The following FBXL7 variants were observed in gnomAD, a reference collection of about 807,000 sequenced individuals.
FBXL7 encodes the protein F-box and leucine rich repeat protein 7, also known as F-box/LRR-repeat protein 7.
A neutral mutation model predicts 38.3 loss-of-function variants in FBXL7; 12 were observed. That is an observed-to-expected ratio of 0.31 (90% CI 0.20 to 0.51). FBXL7 has a LOEUF of 0.51. Among genes scored for constraint, FBXL7 ranks in the 20% least tolerant of loss-of-function variants. The pLI, the probability that FBXL7 is intolerant of heterozygous loss-of-function variation, is 0.98. For synonymous variants in FBXL7, 297 were observed against 300.9 expected (o/e 0.99, Z 0.13); for missense variants, 567 against 676.4 (o/e 0.84, Z 1.79).
At chr5:15,802,262 T>C (rs1192860876) in intron 2 of FBXL7, among the ~76,000 whole-genome samples, 2 of 152,180 alleles carry the variant, frequency 1.3e-5, no homozygotes, top group Admixed American at 6.5e-5. Flanking sequence ...CAGTAGCCAG[T>C]GTGACCTTTG....
intron 2 of FBXL7, among the ~76,000 whole-genome samples, chr5:15,802,219 T>A (rs1205445506): frequency 2.6e-5 from 4 of 152,094 alleles, no homozygotes; most frequent in African/African-American, 9.7e-5. Flanking sequence ...TCTTCCTCCC[T>A]CTATTTCTCC....
intron 2 of FBXL7, among the ~76,000 whole-genome samples, chr5:15,659,766 A>G (rs1476606372): frequency 6.6e-6 from 1 of 152,206 alleles, no homozygotes; most frequent in Non-Finnish European, 1.5e-5. Context: ...TTTTCTAGAT[A>G]TATTATTAAA....
At chr5:15,746,652 G>T (rs980245160) in intron 2 of FBXL7, among the ~76,000 whole-genome samples, 5 of 151,990 alleles carry the variant, frequency 3.3e-5, no homozygotes, top group African/African-American at 1.2e-4. Context: ...TTGGAGATCA[G>T]GTCTCAACGT....
At chr5:15,659,271 A>G (rs1054045208) in intron 2 of FBXL7, among the ~76,000 whole-genome samples, 1 of 152,184 alleles carries the variant, frequency 6.6e-6, no homozygotes, top group Non-Finnish European at 1.5e-5. Flanking sequence ...TAAACAGGCA[A>G]TGCAGTGAAG....
intron 1 of FBXL7, among the ~76,000 whole-genome samples, chr5:15,527,925 T>C (rs114687789): frequency 0.016 from 2,375 of 152,328 alleles, 57 homozygotes; most frequent in African/African-American, 0.055. Flanking sequence ...GTGGAATGTT[T>C]TTTAATTCTT....
At chr5:15,793,611 G>A (rs999886843) in intron 2 of FBXL7, among the ~76,000 whole-genome samples, 1 of 152,214 alleles carries the variant, frequency 6.6e-6, no homozygotes, top group Non-Finnish European at 1.5e-5. Context: ...GCAACCCACT[G>A]TGGGTAGGAA....
At chr5:15,836,034 A>C (rs1456062690) in intron 2 of FBXL7, among the ~76,000 whole-genome samples, 1 of 152,138 alleles carries the variant, frequency 6.6e-6, no homozygotes, top group Non-Finnish European at 1.5e-5. Flanking sequence ...CCTTCCCAAT[A>C]ACATTTATTT....
At chr5:15,808,451 T>C (rs1195628278) in intron 2 of FBXL7, among the ~76,000 whole-genome samples, 1 of 152,092 alleles carries the variant, frequency 6.6e-6, no homozygotes, top group African/African-American at 2.4e-5. Flanking sequence ...TTCCACACAC[T>C]CAGCCTGGAC....
At chr5:15,760,805 T>G (rs1421779875) in intron 2 of FBXL7, among the ~76,000 whole-genome samples, 2 of 152,122 alleles carry the variant, frequency 1.3e-5, no homozygotes, top group African/African-American at 4.8e-5. Flanking sequence ...GAGGACAAAC[T>G]TAACTCTTAA....
chr5:15,755,406 G>A (rs78504956), intron 2 of FBXL7, among the ~76,000 whole-genome samples: 20 of 152,174 alleles, frequency 1.3e-4, no homozygotes, highest in African/African-American at 4.6e-4. Context: ...GTGTGTGTGC[G>A]TGTGTGTATA....
At chr5:15,747,343 T>C (rs1334186061) in intron 2 of FBXL7, among the ~76,000 whole-genome samples, 1 of 152,182 alleles carries the variant, frequency 6.6e-6, no homozygotes, top group East Asian at 1.9e-4. Flanking sequence ...GCATGGCCTA[T>C]TCTAAGATCA....
chr5:15,746,842 T>A (rs1463810096), intron 2 of FBXL7, among the ~76,000 whole-genome samples: 1 of 152,108 alleles, frequency 6.6e-6, no homozygotes, highest in South Asian at 2.1e-4. Context: ...GAAAACAAAA[T>A]TTAAGGAAAA....
At chr5:15,755,990 G>A (rs373035267) in intron 2 of FBXL7, among the ~76,000 whole-genome samples, 152 of 152,252 alleles carry the variant, frequency 1.0e-3, no homozygotes, top group African/African-American at 3.4e-3. Flanking sequence ...CTACTGGCTG[G>A]TTGCATTAAA....
chr5:15,793,611 G>C, intron 2 of FBXL7, among the ~76,000 whole-genome samples: 1 of 152,214 alleles, frequency 6.6e-6, no homozygotes, highest in Non-Finnish European at 1.5e-5. Flanking sequence ...GCAACCCACT[G>C]TGGGTAGGAA....
intron 2 of FBXL7, among the ~76,000 whole-genome samples, chr5:15,824,274 C>T (rs1738248039): frequency 7.3e-6 from 1 of 137,106 alleles, no homozygotes; most frequent in Non-Finnish European, 1.5e-5. Context: ...CCAGCCTGGG[C>T]AACAGAGCAA....
intron 2 of FBXL7, among the ~76,000 whole-genome samples, chr5:15,869,322 T>C (rs1739852264): frequency 6.6e-6 from 1 of 152,156 alleles, no homozygotes; most frequent in Non-Finnish European, 1.5e-5. Flanking sequence ...TGGGGGAGCC[T>C]TGTCAGAAGC....
chr5:15,832,555 A>G (rs1738485199), intron 2 of FBXL7, among the ~76,000 whole-genome samples: 1 of 152,232 alleles, frequency 6.6e-6, no homozygotes, highest in Non-Finnish European at 1.5e-5. Flanking sequence ...TGAGTTAACC[A>G]TCTCGAAAAC....
At chr5:15,557,523 A>G (rs148807045) in intron 1 of FBXL7, among the ~76,000 whole-genome samples, 37 of 152,320 alleles carry the variant, frequency 2.4e-4, no homozygotes, top group African/African-American at 8.7e-4. Context: ...GCTAATGAAG[A>G]TGTTACAATG....
intron 2 of FBXL7, among the ~76,000 whole-genome samples, chr5:15,644,778 G>A (rs1303022712): frequency 1.3e-5 from 2 of 152,136 alleles, no homozygotes; most frequent in Non-Finnish European, 2.9e-5. Context: ...CCTAGTGTAT[G>A]CATGAGAAAG....
Sources: gnomAD v4.1 joint callset for allele counts (sites outside exome capture counted in the v4.1 genomes callset) on GRCh38, gnomAD v4.1.1 for gene constraint, MANE v1.5 for transcripts, NCBI Gene and HGNC (gene_info 2026-07-23, HGNC 2026-07-21) for gene names.